Variants in FGF12 observed in about 807,000 individuals in gnomAD.
FGF12 encodes the protein fibroblast growth factor 12B.
FGF12 carries 14 observed loss-of-function variants against 23.6 expected under a neutral mutation model. That is an observed-to-expected ratio of 0.59 (90% CI 0.39 to 0.93). FGF12 has a LOEUF of 0.93. Ranked by LOEUF, FGF12 falls within the 40% of genes least tolerant of loss-of-function variation. The probability of loss-of-function intolerance (pLI) is 0.00; values close to 1 mark genes in which losing one functional copy is unlikely to be tolerated. For missense variants in FGF12, 175 were observed against 217.8 expected, an observed-to-expected ratio of 0.80 and a Z score of 1.24; for synonymous variants, 62 against 77.3, an observed-to-expected ratio of 0.80 and a Z score of 1.04.
At chr3:192,172,656 A>T (rs1169619304) in intron 4 of FGF12, among the ~76,000 whole-genome samples, 2 of 150,862 alleles carry the variant, frequency 1.3e-5, no homozygotes, top group Non-Finnish European at 3.0e-5. Flanking sequence ...GTTTATGAGG[A>T]TGTGGAAAAA....
chr3:192,273,872 G>C (rs770412782), intron 4 of FGF12, among the ~76,000 whole-genome samples: 3 of 150,726 alleles, frequency 2.0e-5, no homozygotes, highest in African/African-American at 4.9e-5. Context: ...ACTGATTCAA[G>C]GATTTGAGTC....
chr3:192,520,754 G>C (rs1353036997), intron 2 of FGF12, among the ~76,000 whole-genome samples: 1 of 152,114 alleles, frequency 6.6e-6, no homozygotes, highest in Non-Finnish European at 1.5e-5. Flanking sequence ...CTCCTGGCCA[G>C]TTCCTGTTCC....
chr3:192,234,682 T>G (rs1050153138), intron 4 of FGF12, among the ~76,000 whole-genome samples: 2 of 152,152 alleles, frequency 1.3e-5, no homozygotes, highest in African/African-American at 4.8e-5. Context: ...TTTGTCAAGA[T>G]GATTCTTATT....
chr3:192,407,683 G>A (rs1721017412), intron 2 of FGF12, among the ~76,000 whole-genome samples: 1 of 148,574 alleles, frequency 6.7e-6, no homozygotes, highest in Non-Finnish European at 1.5e-5. Context: ...ATGGATGGAT[G>A]GGAGAGCGGG....
At chr3:192,475,274 T>C (rs1399039667) in intron 2 of FGF12, among the ~76,000 whole-genome samples, 1 of 152,234 alleles carries the variant, frequency 6.6e-6, no homozygotes, top group Non-Finnish European at 1.5e-5. Flanking sequence ...CCATTCTAGC[T>C]CTAAATTAGT....
intron 4 of FGF12, among the ~76,000 whole-genome samples, chr3:192,270,073 C>T (rs1232958915): frequency 6.6e-6 from 1 of 152,188 alleles, no homozygotes; most frequent in Admixed American, 6.5e-5. Context: ...TGTTCCACAT[C>T]CTCCTGCATT....
chr3:192,576,105 G>A (rs193127019), intron 2 of FGF12, among the ~76,000 whole-genome samples: 83 of 152,312 alleles, frequency 5.4e-4, no homozygotes, highest in African/African-American at 1.6e-3. Context: ...TCCTTTGGGA[G>A]GTCAGGCAAT....
chr3:192,466,608 AG>A (rs2108811038), intron 2 of FGF12, among the ~76,000 whole-genome samples: 1 of 152,362 alleles, frequency 6.6e-6, no homozygotes, highest in East Asian at 1.9e-4. Context: ...ATTATAAAAA[AG>A]TAATAAGCAT....
intron 4 of FGF12, among the ~76,000 whole-genome samples, chr3:192,316,165 T>C (rs1430613839): frequency 6.6e-6 from 1 of 152,106 alleles, no homozygotes; most frequent in African/African-American, 2.4e-5. Flanking sequence ...CCAAATCCAG[T>C]TTAAAAAATA....
chr3:192,226,777 A>G (rs1388845878), intron 4 of FGF12, among the ~76,000 whole-genome samples: 1 of 152,080 alleles, frequency 6.6e-6, no homozygotes. Flanking sequence ...AAGAGACTGA[A>G]TGTTAAATGT....
At chr3:192,666,691 A>G (rs1231192489) in intron 2 of FGF12, among the ~76,000 whole-genome samples, 2 of 152,212 alleles carry the variant, frequency 1.3e-5, no homozygotes, top group Non-Finnish European at 2.9e-5. Flanking sequence ...AGAAAGGGAA[A>G]GAGGCTCATC....
intron 4 of FGF12, among the ~76,000 whole-genome samples, chr3:192,221,854 T>A (rs1718492876): frequency 6.6e-6 from 1 of 152,100 alleles, no homozygotes; most frequent in African/African-American, 2.4e-5. Context: ...TATAAAATGA[T>A]CATGATATAA....
At chr3:192,396,232 G>C (rs987173701) in intron 2 of FGF12, among the ~76,000 whole-genome samples, 4 of 152,180 alleles carry the variant, frequency 2.6e-5, no homozygotes, top group African/African-American at 9.7e-5. Context: ...AATCCAGCAA[G>C]AGTTAATAAA....
intron 2 of FGF12, among the ~76,000 whole-genome samples, chr3:192,423,240 C>T (rs1721590235): frequency 6.6e-6 from 1 of 152,104 alleles, no homozygotes; most frequent in South Asian, 2.1e-4. Flanking sequence ...GTATGTATAG[C>T]TTTGCTAAGC....
At chr3:192,362,276 T>C (rs1718766487) in intron 2 of FGF12, among the ~76,000 whole-genome samples, 1 of 152,200 alleles carries the variant, frequency 6.6e-6, no homozygotes, top group Non-Finnish European at 1.5e-5. Context: ...CTAGGGTACA[T>C]GAGCACAACG....
At chr3:192,271,804 C>T (rs1167956277) in intron 4 of FGF12, among the ~76,000 whole-genome samples, 1 of 151,980 alleles carries the variant, frequency 6.6e-6, no homozygotes, top group Non-Finnish European at 1.5e-5. Context: ...ACAATATGTC[C>T]CAAGGAAGAG....
At chr3:192,690,120 T>C (rs757401932) in intron 2 of FGF12, among the ~76,000 whole-genome samples, 1 of 151,990 alleles carries the variant, frequency 6.6e-6, no homozygotes, top group Non-Finnish European at 1.5e-5. Context: ...AGGGAGTTCA[T>C]CACCACTGGA....
chr3:192,635,848 T>C (rs556021086), intron 2 of FGF12, among the ~76,000 whole-genome samples: 3 of 152,200 alleles, frequency 2.0e-5, no homozygotes, highest in African/African-American at 4.8e-5. Flanking sequence ...TCTCTTTTAA[T>C]TGATGGAATC....
At chr3:192,525,052 T>G (rs1724909323) in intron 2 of FGF12, among the ~76,000 whole-genome samples, 1 of 152,190 alleles carries the variant, frequency 6.6e-6, no homozygotes, top group Admixed American at 6.5e-5. Flanking sequence ...TCGGTTTTCC[T>G]TCTACTTCTC....
Sources: allele counts gnomAD v4.1 joint callset (sites outside exome capture counted in the v4.1 genomes callset), GRCh38; gene constraint gnomAD v4.1.1; transcripts MANE v1.5; gene names NCBI Gene and HGNC (gene_info 2026-07-23, HGNC 2026-07-21).